ADAM12: variants seen among roughly 807,000 people sequenced by gnomAD.
The protein encoded by ADAM12 is ADAM metallopeptidase domain 12.
In ADAM12, 70 loss-of-function variants were observed where a neutral mutation model predicts 106.4. The ratio of observed to expected loss-of-function variants is 0.66; its 90% CI spans 0.54 to 0.80. The LOEUF (loss-of-function observed/expected upper bound fraction) is 0.80, where lower values mean the gene tolerates loss of function less well. Among genes scored for constraint, ADAM12 ranks in the 30% least tolerant of loss-of-function variants. The pLI is 0.00. For synonymous variants in ADAM12, 420 were observed against 433.5 expected (o/e 0.97, Z 0.39); for missense variants, 1,010 against 1,171.9 (o/e 0.86, Z 2.02).
At chr10:126,196,965 G>A (rs1368125261) in intron 3 of ADAM12, among the ~76,000 whole-genome samples, 2 of 152,196 alleles carry the variant, frequency 1.3e-5, no homozygotes, top group East Asian at 1.9e-4. Context: ...AGATAGGGCA[G>A]GGGATCTAGG....
rs35139204 is a variant in ADAM12 at position 126,231,391 on chromosome 10, G to GA, written c.260+47523dup. Among the ~76,000 whole-genome samples the GA allele has an allele frequency of 1.2e-3, 166 of 143,970 alleles. No homozygotes were observed. In the East Asian group the frequency reaches 0.018, roughly 16 times the overall value. 94.4% of individuals were successfully genotyped at this position (143,970 alleles called of 152,430 possible). On this transcript the variant is annotated intron_variant, in intron 3 of 22. Transcript: ENST00000448723. ...GGCAACAGAAATAGAAGATTAGTAG[G>GA]AAAAAAAAAAAAGCACCAGCTATTG... is the stretch of plus-strand genomic sequence containing the variant.
chr10:126,367,265 T>C (rs764212309), intron 1 of ADAM12, among the ~76,000 whole-genome samples: 25 of 151,786 alleles, frequency 1.6e-4, no homozygotes, highest in Non-Finnish European at 2.5e-4. Context: ...ATAACAAAAA[T>C]CTTAACATCT....
chr10:126,060,426 G>C (rs1477205361), intron 14 of ADAM12, among the ~76,000 whole-genome samples: 1 of 152,172 alleles, frequency 6.6e-6, no homozygotes, highest in African/African-American at 2.4e-5. Context: ...ACTCGGGCAA[G>C]GTCACTGGGG....
intron 18 of ADAM12, among the ~76,000 whole-genome samples, chr10:126,039,732 T>C (rs1420170737): frequency 6.6e-6 from 1 of 152,188 alleles, no homozygotes; most frequent in Non-Finnish European, 1.5e-5. Flanking sequence ...CAGTGGACCA[T>C]GGTAGCCACA....
chr10:126,292,248 ACCC>A (rs1261057721), intron 2 of ADAM12, among the ~76,000 whole-genome samples: 2 of 149,882 alleles, frequency 1.3e-5, no homozygotes, highest in African/African-American at 4.9e-5. Context: ...TCATTTTGTG[ACCC>A]CCTTGTTTTT....
At chr10:126,078,115 G>C (rs1955138384) in intron 11 of ADAM12, among the ~76,000 whole-genome samples, 1 of 152,158 alleles carries the variant, frequency 6.6e-6, no homozygotes. Context: ...CTAGTGCCTA[G>C]AGCAAAGCAG....
chr10:126,193,264 C>CAAAAAAA (rs757716875), intron 3 of ADAM12, among the ~76,000 whole-genome samples: 18 of 26,618 alleles, frequency 6.8e-4, no homozygotes, highest in Non-Finnish European at 1.2e-3. Flanking sequence ...GACTCCATCT[C>CAAAAAAA]AAAAAAAAAA....
rs3847471 is a variant in ADAM12 at position 126,341,907 on chromosome 10, T to C, written c.89-11398A>G. On this transcript the variant is annotated intron_variant, in intron 1 of 22. Transcript: ENST00000448723. ...TTTTAACTCATAGAGTTGACTTTCA[T>C]ATCACCATTTAGAACATTTCATTTT... 6.8e-4 allele frequency among the ~76,000 whole-genome samples: 104 copies of C among 152,362 alleles called. 1 individual carries two copies. Among genetic ancestry groups the C allele is most frequent in the African/African-American group, 2.4e-3 (99 of 41,586 alleles).
chr10:126,106,013 A>C (rs1955759148), intron 8 of ADAM12, among the ~76,000 whole-genome samples: 1 of 152,216 alleles, frequency 6.6e-6, no homozygotes, highest in Admixed American at 6.5e-5. Flanking sequence ...TGGCAAACCC[A>C]GATCTCTGAC....
chr10:126,298,023 C>T (rs187912662), intron 2 of ADAM12, among the ~76,000 whole-genome samples: 58 of 152,064 alleles, frequency 3.8e-4, no homozygotes, highest in African/African-American at 1.2e-3. Context: ...GGAGAGAGGG[C>T]GAATGAGAAG....
At chr10:126,115,362 G>A (rs1382689273) in intron 6 of ADAM12, among the ~76,000 whole-genome samples, 2 of 152,304 alleles carry the variant, frequency 1.3e-5, no homozygotes, top group East Asian at 3.9e-4. Flanking sequence ...ATGAGTAGCC[G>A]ATGGAGAGGG....
At chr10:126,207,312 T>C (rs1002849125) in intron 3 of ADAM12, among the ~76,000 whole-genome samples, 7 of 152,176 alleles carry the variant, frequency 4.6e-5, no homozygotes, top group African/African-American at 1.7e-4. Context: ...TCCCAACATA[T>C]TGGTAGAGTT....
At chr10:126,315,461 T>C (rs1049586952) in intron 2 of ADAM12, among the ~76,000 whole-genome samples, 12 of 152,170 alleles carry the variant, frequency 7.9e-5, no homozygotes, top group African/African-American at 2.4e-4. Flanking sequence ...GTTTCTGTCC[T>C]TTCCAACCGA....
At chr10:126,361,871 A>G (rs1037760837) in intron 1 of ADAM12, among the ~76,000 whole-genome samples, 5 of 152,164 alleles carry the variant, frequency 3.3e-5, no homozygotes, top group Non-Finnish European at 5.9e-5. Flanking sequence ...ATGTTGGTCT[A>G]TAGGCAATTT....
At chr10:126,376,199 C>A in intron 1 of ADAM12, among the ~76,000 whole-genome samples, 1 of 152,024 alleles carries the variant, frequency 6.6e-6, no homozygotes, top group East Asian at 1.9e-4. Flanking sequence ...AATCTACAGA[C>A]AAACTATTAG....
chr10:126,250,140 G>A lies in ADAM12; in HGVS notation c.260+28775C>T, dbSNP rs1958716806. On this transcript the variant is annotated intron_variant, in intron 3 of 22. Transcript: ENST00000448723. ...GCAAGCCAGGGCATACCGACCGCAA[G>A]GCCCTTCAAAGTCCTCGCATGAGGT... Among the ~76,000 whole-genome samples the A allele has an allele frequency of 2.6e-5, 4 of 152,156 alleles. No individual in the cohort carries two copies. The South Asian group carries it at 8.3e-4, about 32-fold the overall frequency.
intron 3 of ADAM12, among the ~76,000 whole-genome samples, chr10:126,166,714 G>T (rs530901021): frequency 6.6e-6 from 1 of 152,178 alleles, no homozygotes; most frequent in African/African-American, 2.4e-5. Context: ...GGCCAGGATG[G>T]TCTCCATCTC....
Position 126,036,261 on chromosome 10 carries a change from T to G in ADAM12, c.2414A>C (p.Asn805Thr). 6.4e-7 allele frequency: 1 copy of G among 1,562,094 alleles called. No homozygotes were observed. Among genetic ancestry groups the G allele is most frequent in the South Asian group, 1.2e-5 (1 of 82,774 alleles). ...CTGAGTTGACTGGGGCTGAGGGACA[T>G]TCAGGCCGTTGAGGGGTCTGCTGAT... ...VDISRPLNGL[N>T]VPQPQSTQRV... Residue 805 changes from asparagine (N) to threonine (T), a missense_variant, in exon 21 of 23, where the codon AAT (asparagine) becomes ACT (threonine). By Grantham distance (65) the Asn-to-Thr change is moderately conservative. Coordinates refer to ENST00000448723, the MANE Select transcript of ADAM12 (RefSeq NM_001288973.2).
intron 3 of ADAM12, among the ~76,000 whole-genome samples, chr10:126,270,255 G>T (rs1433792513): frequency 6.6e-6 from 1 of 152,194 alleles, no homozygotes; most frequent in African/African-American, 2.4e-5. Context: ...CAAGGCAGGG[G>T]ATGGGGCTTT....
Sources: gnomAD v4.1 joint callset for allele counts (sites outside exome capture counted in the v4.1 genomes callset) on GRCh38, gnomAD v4.1.1 for gene constraint, MANE v1.5 for transcripts, NCBI Gene and HGNC (gene_info 2026-07-23, HGNC 2026-07-21) for gene names.